The following KANK4 variants were observed in gnomAD, a reference collection of about 807,000 sequenced individuals.
The protein encoded by KANK4 is KN motif and ankyrin repeat domain-containing protein 4.
A neutral mutation model predicts 80.8 loss-of-function variants in KANK4; 50 were observed. The ratio of observed to expected loss-of-function variants is 0.62; its 90% CI spans 0.49 to 0.78. The LOEUF (loss-of-function observed/expected upper bound fraction) is 0.78. KANK4 is among the 30% of genes least tolerant of loss of function. KANK4 has a pLI of 0.00. For missense variants in KANK4, 1,196 were observed against 1,240.1 expected (o/e 0.96, Z 0.53); for synonymous variants, 465 against 506.9 (o/e 0.92, Z 1.11).
intron 7 of KANK4, among the ~76,000 whole-genome samples, 197 bp from the exon 8 acceptor site, chr1:62,253,406 T>TTTA (rs1671672671): frequency 9.4e-6 from 1 of 106,242 alleles, no homozygotes; most frequent in Non-Finnish European, 1.9e-5. Context: ...TTTTTCTTTC[T>TTTA]TTCTTTTTTT....
intron 5 of KANK4, 53 bp downstream of exon 5, chr1:62,268,234 C>T: frequency 7.1e-7 from 1 of 1,404,216 alleles, no homozygotes; most frequent in Admixed American, 1.7e-5. Context: ...TAGATATATG[C>T]CCTTGACCTT....
intron 1 of KANK4, among the ~76,000 whole-genome samples, chr1:62,305,375 C>G (rs1478300572): frequency 6.6e-6 from 1 of 152,106 alleles, no homozygotes; most frequent in African/African-American, 2.4e-5. Flanking sequence ...ATGGCGTGAT[C>G]TCGGCTCACT....
At chr1:62,264,143 C>T (rs1393436710) in intron 6 of KANK4, among the ~76,000 whole-genome samples, 8 of 152,320 alleles carry the variant, frequency 5.3e-5, no homozygotes, top group South Asian at 2.1e-4. Context: ...CTCGGCCGGG[C>T]GCGGCAGCTC....
At chr1:62,270,815 TC>T (rs941979760) in intron 4 of KANK4, among the ~76,000 whole-genome samples, 6 of 152,156 alleles carry the variant, frequency 3.9e-5, no homozygotes, top group African/African-American at 1.4e-4. Context: ...ATCCTGTGCT[TC>T]CTCACCTAAC....
intron 7 of KANK4, among the ~76,000 whole-genome samples, chr1:62,258,695 A>G (rs1042429414): frequency 3.3e-5 from 5 of 152,218 alleles, no homozygotes; most frequent in Admixed American, 6.5e-5. Flanking sequence ...AGGGAAACAG[A>G]TAAGACAGAC....
At chr1:62,318,041 T>C (rs1225303105) in intron 1 of KANK4, among the ~76,000 whole-genome samples, 5 of 152,156 alleles carry the variant, frequency 3.3e-5, no homozygotes, top group African/African-American at 1.2e-4. Context: ...AGCTTTCCTG[T>C]GTCACATTTT....
chr1:62,254,711 G>A (rs902196662), intron 7 of KANK4, among the ~76,000 whole-genome samples: 1 of 150,794 alleles, frequency 6.6e-6, no homozygotes, highest in Non-Finnish European at 1.5e-5. Context: ...GCATCACCAC[G>A]CTCAGCTGAT....
Position 62,314,136 on chromosome 1 carries a change from C to G in KANK4, c.-71+4970G>C, listed in dbSNP as rs927217061. Among the ~76,000 whole-genome samples the G allele has an allele frequency of 1.7e-4, 26 of 152,138 alleles. 1 individual carries two copies. ...TCAAGCGATTCTCCTGCCTCAGCCT[C>G]CTGAGTAGCTGGGATTACAGGCATG... is the stretch of plus-strand genomic sequence containing the variant. On this transcript the variant is annotated intron_variant, in intron 1 of 9. Transcript: ENST00000371153.
Position 62,274,489 on chromosome 1 carries a change from T to C in KANK4, c.615A>G (p.Glu205=). Reference sequence around the variant, plus strand: ...GGAAACCTGCCAATCCTTCTGCAGGTTCAAAGGTGCCATCACAGACACTGC... The same window carrying C: ...GGAAACCTGCCAATCCTTCTGCAGGCTCAAAGGTGCCATCACAGACACTGC... ...GEGSVCDGTF[E]PAEGLAGFHS... is the part of the protein sequence containing the mutation. Residue 205 remains glutamate, a synonymous_variant, in exon 3 of 10, where the codon GAA becomes GAG. Coordinates refer to ENST00000371153, the MANE Select transcript of KANK4 (RefSeq NM_181712.5). 1 of 1,614,108 alleles carries C rather than the reference T, an allele frequency of 6.2e-7. No individual in the cohort carries two copies. Among genetic ancestry groups the C allele is most frequent in the Non-Finnish European group, 8.5e-7 (1 of 1,180,014 alleles).
intron 7 of KANK4, among the ~76,000 whole-genome samples, chr1:62,256,082 G>A (rs531325065): frequency 1.6e-4 from 25 of 152,248 alleles, no homozygotes; most frequent in African/African-American, 5.5e-4. Flanking sequence ...TTAGCTCATC[G>A]GCTATCATTA....
At chr1:62,253,392 C>CT (rs1404505148) in intron 7 of KANK4, among the ~76,000 whole-genome samples, 183 bp from the exon 8 acceptor site, 2 of 141,754 alleles carry the variant, frequency 1.4e-5, no homozygotes, top group African/African-American at 2.6e-5. Flanking sequence ...CTTTTCTTTT[C>CT]TTTTTTTTCT....
At chr1:62,267,210 A>C (rs779866801) in intron 5 of KANK4, among the ~76,000 whole-genome samples, 3 of 152,226 alleles carry the variant, frequency 2.0e-5, no homozygotes, top group Non-Finnish European at 4.4e-5. Flanking sequence ...ACTGGAAAAA[A>C]AAATCAAAGA....
At chr1:62,264,073 G>A (rs548325676) in intron 6 of KANK4, among the ~76,000 whole-genome samples, 15 of 152,334 alleles carry the variant, frequency 9.8e-5, no homozygotes, top group African/African-American at 3.4e-4. Context: ...GCATACTCAT[G>A]CTGGGAAGAG....
chr1:62,305,604 C>T lies in KANK4; in HGVS notation c.-71+13502G>A, dbSNP rs555580008. ...GGGATTACAGGTGTGAGCCACCATG[C>T]CTGCCCCTGCTTGAGATTTTAATGT... is the stretch of plus-strand genomic sequence containing the variant. On this transcript the variant is annotated intron_variant, in intron 1 of 9. Transcript: ENST00000371153. Among the ~76,000 whole-genome samples the T allele has an allele frequency of 2.6e-5, 4 of 152,088 alleles. No individual in the cohort carries two copies. In the East Asian group the frequency reaches 7.8e-4, roughly 30 times the overall value.
intron 3 of KANK4, 134 bp from the exon 4 acceptor site, chr1:62,271,723 T>C (rs186107896): frequency 1.6e-4 from 104 of 633,234 alleles, no homozygotes; most frequent in Non-Finnish European, 2.6e-5. Flanking sequence ...AACCAGATCA[T>C]GTAAATCAAT....
chr1:62,255,230 A>C (rs1671724988), intron 7 of KANK4, among the ~76,000 whole-genome samples: 1 of 152,144 alleles, frequency 6.6e-6, no homozygotes, highest in African/African-American at 2.4e-5. Flanking sequence ...AGAACTTTAA[A>C]GAAAGTTCTG....
At chr1:62,244,611 T>C (rs1349594796) in intron 9 of KANK4, among the ~76,000 whole-genome samples, 1 of 152,144 alleles carries the variant, frequency 6.6e-6, no homozygotes, top group Non-Finnish European at 1.5e-5. Context: ...TGTGATTTGC[T>C]CCTCCTTGCC....
At chr1:62,268,546 C>T (rs1672084279) in intron 4 of KANK4, 41 bp from the exon 5 acceptor site, 1 of 1,537,072 alleles carries the variant, frequency 6.5e-7, no homozygotes, top group South Asian at 1.1e-5. Context: ...GTCTTTCCTG[C>T]CCAGTGCCCA....
At position 62,273,513 on chromosome 1, in the gene KANK4, G is replaced by A. The variant is rs565873558; in HGVS notation, c.1591C>T (p.Pro531Ser). The change falls in exon 3 of 10, where the codon CCC becomes TCC. Residue 531 changes from proline (P) to serine (S), a missense_variant. By Grantham distance (74) the Pro-to-Ser change is moderately conservative (BLOSUM62 -1). Coordinates refer to ENST00000371153, the MANE Select transcript of KANK4 (RefSeq NM_181712.5). ...GFLWGSDRKT[P>S]PAGREETSSN... is the part of the protein sequence containing the mutation. Reference sequence around the variant, plus strand: ...CTGGTCTCCTCCCTCCCTGCTGGGGGAGTCTTTCTGTCGCTGCCCCACAGA... The same window carrying A: ...CTGGTCTCCTCCCTCCCTGCTGGGGAAGTCTTTCTGTCGCTGCCCCACAGA... 1.3e-4 allele frequency: 210 copies of A among 1,613,632 alleles called. No individual in the cohort carries two copies. In the South Asian group the frequency reaches 2.0e-3, roughly 15 times the overall value.
Sources: gnomAD v4.1 joint callset for allele counts (sites outside exome capture counted in the v4.1 genomes callset) on GRCh38, gnomAD v4.1.1 for gene constraint, MANE v1.5 for transcripts, NCBI Gene and HGNC (gene_info 2026-07-23, HGNC 2026-07-21) for gene names.